The following INPP4B variants were observed in gnomAD, a reference collection of about 807,000 sequenced individuals.
The protein encoded by INPP4B is inositol polyphosphate-4-phosphatase type II B, also known as inositol polyphosphate 4-phosphatase type II.
Under a neutral mutation model 122.5 loss-of-function variants are expected in INPP4B, and 55 were observed. The ratio of observed to expected loss-of-function variants is 0.45; its 90% CI spans 0.36 to 0.56. The LOEUF (loss-of-function observed/expected upper bound fraction) is 0.56, where lower values mean the gene tolerates loss of function less well. Ranked by LOEUF, INPP4B falls within the 20% of genes least tolerant of loss-of-function variation. The pLI, the probability that INPP4B is intolerant of heterozygous loss-of-function variation, is 0.00. For missense variants in INPP4B, 1,000 were observed against 1,097.7 expected (o/e 0.91, Z 1.26); for synonymous variants, 403 against 388.7 (o/e 1.04, Z -0.43).
In INPP4B at chr4:142,332,624, G is replaced by A. The variant is rs546220063; in HGVS notation, c.373-17862C>T. 2.0e-5 allele frequency among the ~76,000 whole-genome samples: 3 copies of A among 152,106 alleles called. No homozygotes were observed. The East Asian group carries it at 5.8e-4, about 29-fold the overall frequency. On this transcript the variant is annotated intron_variant, in intron 7 of 25. Coordinates refer to ENST00000262992, the MANE Select transcript of INPP4B (RefSeq NM_001101669.3). ...TTTCATGTAAAGTTAAGAAAACTGA[G>A]GCTATTGGTGGTTAAATGACTGGTC...
intron 14 of INPP4B, among the ~76,000 whole-genome samples, chr4:142,196,893 G>C (rs946861113): frequency 6.6e-6 from 1 of 151,970 alleles, no homozygotes; most frequent in Non-Finnish European, 1.5e-5. Flanking sequence ...GGGAGGCTGA[G>C]GAGGGCAGAT....
chr4:142,183,654 T>C (rs144011252), intron 15 of INPP4B, among the ~76,000 whole-genome samples: 22 of 152,298 alleles, frequency 1.4e-4, no homozygotes, highest in Non-Finnish European at 2.5e-4. Flanking sequence ...GGAAATCACT[T>C]GGAGTTTAAC....
intron 3 of INPP4B, among the ~76,000 whole-genome samples, chr4:142,441,586 C>T (rs1811729123): frequency 6.6e-6 from 1 of 151,828 alleles, no homozygotes; most frequent in Non-Finnish European, 1.5e-5. Flanking sequence ...ATGGTTAAAA[C>T]CAAATAATTC....
chr4:142,370,674 G>A (rs993882231), intron 7 of INPP4B, among the ~76,000 whole-genome samples: 24 of 151,638 alleles, frequency 1.6e-4, no homozygotes, highest in African/African-American at 5.8e-4. Flanking sequence ...AATCAAGAAA[G>A]CAATCCCATT....
chr4:142,582,031 T>A (rs1373636310), intron 2 of INPP4B, among the ~76,000 whole-genome samples: 2 of 152,194 alleles, frequency 1.3e-5, no homozygotes, highest in South Asian at 2.1e-4. Context: ...AACTGCTGTA[T>A]TAGCTAGCAA....
At chr4:142,642,076 T>A (rs1266480462) in intron 2 of INPP4B, among the ~76,000 whole-genome samples, 1 of 152,200 alleles carries the variant, frequency 6.6e-6, no homozygotes, top group Non-Finnish European at 1.5e-5. Context: ...TTTTGAGAAG[T>A]GTCTGTTCAT....
Position 142,244,634 on chromosome 4 carries a change from G to A in INPP4B, c.689-6623C>T, listed in dbSNP as rs181473075. ...TTCTTCATCCAGTCTATCACTGATCGGCATTTGGGTTGATTCCAAGTCTTT... is the reference window on the plus strand; with the variant it reads ...TTCTTCATCCAGTCTATCACTGATCAGCATTTGGGTTGATTCCAAGTCTTT... On this transcript the variant is annotated intron_variant, in intron 11 of 25. Transcript: ENST00000262992. Among the ~76,000 whole-genome samples the A allele has an allele frequency of 1.1e-3, 166 of 152,178 alleles. 2 individuals carry two copies. In the East Asian group the frequency reaches 0.015, roughly 14 times the overall value.
At chr4:142,476,545 C>G (rs1224121349) in intron 2 of INPP4B, among the ~76,000 whole-genome samples, 2 of 152,076 alleles carry the variant, frequency 1.3e-5, no homozygotes, top group Non-Finnish European at 2.9e-5. Context: ...GAAACAAGAC[C>G]CAACTGTGCT....
intron 3 of INPP4B, among the ~76,000 whole-genome samples, chr4:142,443,345 G>A (rs746254891): frequency 2.0e-5 from 3 of 152,200 alleles, no homozygotes; most frequent in Middle Eastern, 3.4e-3. Context: ...TGCTGAAGGG[G>A]AACAGCAGTA....
chr4:142,078,075 CT>C (rs1771800505), intron 25 of INPP4B, among the ~76,000 whole-genome samples: 1 of 151,618 alleles, frequency 6.6e-6, no homozygotes, highest in Admixed American at 6.6e-5. Flanking sequence ...ACCCAGACAC[CT>C]TGTGTTTAAT....
intron 1 of INPP4B, among the ~76,000 whole-genome samples, chr4:142,783,041 G>C (rs1483264807): frequency 6.6e-6 from 1 of 151,880 alleles, no homozygotes; most frequent in East Asian, 1.9e-4. Context: ...TTAAACGTTA[G>C]ACCTAAAACC....
intron 2 of INPP4B, among the ~76,000 whole-genome samples, chr4:142,585,379 G>A (rs762242110): frequency 7.2e-5 from 11 of 152,142 alleles, no homozygotes; most frequent in Admixed American, 4.6e-4. Context: ...ATTCAGAGAA[G>A]TGCCTATTGG....
intron 23 of INPP4B, among the ~76,000 whole-genome samples, chr4:142,086,781 G>C (rs1398592470): frequency 1.3e-5 from 2 of 152,104 alleles, no homozygotes; most frequent in Non-Finnish European, 2.9e-5. Context: ...TCTCTATTCT[G>C]TATAACTATG....
At chr4:142,494,353 A>C (rs1822258902) in intron 2 of INPP4B, among the ~76,000 whole-genome samples, 1 of 152,130 alleles carries the variant, frequency 6.6e-6, no homozygotes, top group Non-Finnish European at 1.5e-5. Context: ...TATTATTTTT[A>C]TTCTAAACAG....
chr4:142,192,911 T>C (rs910363661), intron 15 of INPP4B, among the ~76,000 whole-genome samples, 176 bp downstream of exon 15: 1 of 152,154 alleles, frequency 6.6e-6, no homozygotes, highest in African/African-American at 2.4e-5. Context: ...CTTAGGCAAT[T>C]TGTTTAATCT....
chr4:142,496,326 G>T (rs1446056505), intron 2 of INPP4B, among the ~76,000 whole-genome samples: 3 of 151,880 alleles, frequency 2.0e-5, no homozygotes, highest in African/African-American at 7.3e-5. Flanking sequence ...TCTACTGTTA[G>T]TATCTGAGAA....
chr4:142,171,782 A>G (rs1825745354), intron 16 of INPP4B, among the ~76,000 whole-genome samples: 1 of 151,846 alleles, frequency 6.6e-6, no homozygotes, highest in Admixed American at 6.6e-5. Flanking sequence ...AACATAGGGG[A>G]AAAAGTTGGA....
chr4:142,456,042 T>G (rs1412183581), intron 3 of INPP4B, among the ~76,000 whole-genome samples: 1 of 152,070 alleles, frequency 6.6e-6, no homozygotes, highest in Non-Finnish European at 1.5e-5. Context: ...CCTTATATAT[T>G]CTGATTATTA....
intron 7 of INPP4B, among the ~76,000 whole-genome samples, chr4:142,336,641 C>T (rs1443833421): frequency 6.6e-6 from 1 of 152,224 alleles, no homozygotes; most frequent in Admixed American, 6.5e-5. Flanking sequence ...TTGGGCATGG[C>T]TGTGATTCCC....
Sources: gnomAD v4.1 joint callset for allele counts (sites outside exome capture counted in the v4.1 genomes callset) on GRCh38, gnomAD v4.1.1 for gene constraint, MANE v1.5 for transcripts, NCBI Gene and HGNC (gene_info 2026-07-23, HGNC 2026-07-21) for gene names.